Variants in SKAP1 observed in about 807,000 individuals in gnomAD.
SKAP1 encodes src kinase-associated phosphoprotein 1.
Under a neutral mutation model 58.5 loss-of-function variants are expected in SKAP1, and 44 were observed. The ratio of observed to expected loss-of-function variants is 0.75; its 90% CI spans 0.59 to 0.97. The LOEUF is 0.97. Ranked by LOEUF, SKAP1 falls within the 50% of genes least tolerant of loss-of-function variation. The pLI is 0.00. For synonymous variants in SKAP1, 127 were observed against 149.7 expected (o/e 0.85, Z 1.11); for missense variants, 390 against 435.2 (o/e 0.90, Z 0.92).
intron 4 of SKAP1, among the ~76,000 whole-genome samples, chr17:48,247,497 T>G (rs934419403): frequency 6.6e-6 from 1 of 152,190 alleles, no homozygotes; most frequent in Non-Finnish European, 1.5e-5. Flanking sequence ...TTTTCCTCTA[T>G]CATTCATTTT....
chr17:48,236,452 T>C (rs890382826), intron 4 of SKAP1, among the ~76,000 whole-genome samples: 1 of 152,236 alleles, frequency 6.6e-6, no homozygotes, highest in Non-Finnish European at 1.5e-5. Context: ...AGGTTCTTGA[T>C]AAATATTCCT....
intron 4 of SKAP1, among the ~76,000 whole-genome samples, chr17:48,228,911 C>T (rs937565096): frequency 1.1e-4 from 16 of 152,178 alleles, no homozygotes; most frequent in Admixed American, 9.8e-4. Flanking sequence ...TTTGCTGGCA[C>T]AGGGCCCTCT....
intron 11 of SKAP1, among the ~76,000 whole-genome samples, chr17:48,140,286 C>G (rs1173509628): frequency 6.6e-6 from 1 of 152,166 alleles, no homozygotes; most frequent in Non-Finnish European, 1.5e-5. Flanking sequence ...CACTATTGGT[C>G]CTCCTTGAGG....
intron 4 of SKAP1, among the ~76,000 whole-genome samples, chr17:48,292,304 G>A (rs552066475): frequency 2.2e-4 from 34 of 152,094 alleles, no homozygotes; most frequent in African/African-American, 7.5e-4. Flanking sequence ...TTTAGTCATT[G>A]ATGTTAACAA....
chr17:48,265,556 A>C (rs2065537363), intron 4 of SKAP1, among the ~76,000 whole-genome samples: 1 of 151,774 alleles, frequency 6.6e-6, no homozygotes, highest in South Asian at 2.1e-4. Context: ...GTGTGTGGTT[A>C]CTGTGTTCAG....
At chr17:48,289,393 G>A (rs1182432088) in intron 4 of SKAP1, among the ~76,000 whole-genome samples, 4 of 152,050 alleles carry the variant, frequency 2.6e-5, no homozygotes, top group African/African-American at 9.7e-5. Context: ...GGGATAAACT[G>A]ATCAAATTTT....
Position 48,201,353 on chromosome 17 carries a change from TC to T in SKAP1, c.281-11854del, listed in dbSNP as rs532675523. ...CCTCCCTCTCTCTCTCTTCCTTGCTTCTTTCCCTCCCTCTTTCCTTCTTTCC... is the reference window on the plus strand; with the variant it reads ...CCTCCCTCTCTCTCTCTTCCTTGCTTTTTCCCTCCCTCTTTCCTTCTTTCC... On this transcript the variant is annotated intron_variant, in intron 4 of 12. Coordinates refer to ENST00000336915, the MANE Select transcript of SKAP1 (RefSeq NM_003726.4). Among the ~76,000 whole-genome samples, 534 of 151,144 alleles carry T rather than the reference TC, an allele frequency of 3.5e-3. 3 individuals carry two copies. Among genetic ancestry groups the T allele is most frequent in the African/African-American group, 0.012 (513 of 41,124 alleles).
In SKAP1 at chr17:48,276,163, AC is replaced by A. The variant is rs974607939; in HGVS notation, c.280+69741del. Among the ~76,000 whole-genome samples, 6 of 151,196 alleles carry A rather than the reference AC, an allele frequency of 4.0e-5. No individual in the cohort carries two copies. The South Asian group carries it at 6.3e-4, about 16-fold the overall frequency. ...TATGATTCACAACTAACCGTAATCT[AC>A]CCCCCCAGCCACTCTCTCTAAATAT... On this transcript the variant is annotated intron_variant, in intron 4 of 12. Coordinates refer to ENST00000336915, the MANE Select transcript of SKAP1 (RefSeq NM_003726.4).
intron 4 of SKAP1, among the ~76,000 whole-genome samples, chr17:48,297,097 C>T (rs150710181): frequency 1.3e-5 from 2 of 152,280 alleles, no homozygotes; most frequent in East Asian, 1.9e-4. Flanking sequence ...CTGTTGTTGA[C>T]TGACTAAAAA....
At chr17:48,283,980 G>A (rs573544911) in intron 4 of SKAP1, among the ~76,000 whole-genome samples, 2 of 152,284 alleles carry the variant, frequency 1.3e-5, no homozygotes, top group Non-Finnish European at 2.9e-5. Context: ...TAGAATGCCT[G>A]GGATGTAACT....
intron 4 of SKAP1, among the ~76,000 whole-genome samples, chr17:48,311,392 C>T (rs1440093268): frequency 1.3e-5 from 2 of 152,004 alleles, no homozygotes; most frequent in South Asian, 4.1e-4. Flanking sequence ...TACGTAACTG[C>T]TATATTTTCC....
intron 11 of SKAP1, among the ~76,000 whole-genome samples, chr17:48,159,937 A>G (rs901928900): frequency 6.6e-6 from 1 of 152,162 alleles, no homozygotes; most frequent in Non-Finnish European, 1.5e-5. Context: ...TTTGATATGC[A>G]GGGATTTGCA....
rs891893673 is a variant in SKAP1, at chr17:48,291,730, G to A, written c.280+54175C>T. The stretch of plus-strand genomic sequence containing the variant: ...CTTATAGGAGTTGATGTCTTTGTGC[G>A]CTCTCATTTAACCTGGGTAATGCGC... On this transcript the variant is annotated intron_variant, in intron 4 of 12. Transcript: ENST00000336915. Among the ~76,000 whole-genome samples the A allele has an allele frequency of 7.9e-5, 12 of 152,070 alleles. 1 individual carries two copies. Among genetic ancestry groups the A allele is most frequent in the Admixed American group, 7.9e-4 (12 of 15,272 alleles).
chr17:48,434,971 G>A (rs2067932887), upstream of SKAP1, among the ~76,000 whole-genome samples: 1 of 152,058 alleles, frequency 6.6e-6, no homozygotes. Context: ...TGAGACCCCT[G>A]TCTCTACAAA....
At chr17:48,269,584 T>C (rs552519374) in intron 4 of SKAP1, among the ~76,000 whole-genome samples, 13 of 152,312 alleles carry the variant, frequency 8.5e-5, no homozygotes, top group Admixed American at 8.5e-4. Context: ...CTTAAATGCC[T>C]TCATTTAGAG....
At chr17:48,371,099 G>C (rs2067078729) in intron 2 of SKAP1, among the ~76,000 whole-genome samples, 1 of 152,134 alleles carries the variant, frequency 6.6e-6, no homozygotes, top group Non-Finnish European at 1.5e-5. Flanking sequence ...GAACATAAAG[G>C]TGTGAGCAAT....
intron 11 of SKAP1, among the ~76,000 whole-genome samples, chr17:48,153,643 C>T (rs2063931785): frequency 1.3e-5 from 2 of 151,970 alleles, no homozygotes; most frequent in African/African-American, 2.4e-5. Context: ...CCATAGGATC[C>T]CCTCACCCAC....
At chr17:48,193,732 G>A in intron 4 of SKAP1, 1 of 984,802 alleles carries the variant, frequency 1.0e-6, no homozygotes. Flanking sequence ...GCCATGCCAT[G>A]GGGTGATGAG....
chr17:48,360,706 C>A (rs968748942), intron 3 of SKAP1, among the ~76,000 whole-genome samples: 3 of 152,044 alleles, frequency 2.0e-5, no homozygotes, highest in African/African-American at 7.2e-5. Context: ...GTAATGTATT[C>A]TTTGGATCAT....
Sources: allele counts gnomAD v4.1 joint callset (sites outside exome capture counted in the v4.1 genomes callset), GRCh38; gene constraint gnomAD v4.1.1; transcripts MANE v1.5; gene names NCBI Gene and HGNC (gene_info 2026-07-23, HGNC 2026-07-21).